FER: variants seen among roughly 807,000 people sequenced by gnomAD.
FER encodes the protein FER tyrosine kinase.
A neutral mutation model predicts 111.0 loss-of-function variants in FER; 63 were observed. That is an observed-to-expected ratio of 0.57 (90% CI 0.46 to 0.70). The LOEUF (loss-of-function observed/expected upper bound fraction) is 0.70. FER is among the 30% of genes least tolerant of loss of function. The pLI, the probability that FER is intolerant of heterozygous loss-of-function variation, is 0.00. For synonymous variants in FER, 327 were observed against 313.9 expected, an observed-to-expected ratio of 1.04 and a Z score of -0.44; for missense variants, 914 against 954.0, an observed-to-expected ratio of 0.96 and a Z score of 0.55.
At chr5:108,946,326 G>A in intron 11 of FER, 104 bp downstream of exon 11, 8 of 657,702 alleles carry the variant, frequency 1.2e-5, no homozygotes, top group Non-Finnish European at 2.0e-5. Context: ...GTATATATAT[G>A]TATATACATA....
At chr5:108,992,039 G>A (rs1404707413) in intron 13 of FER, among the ~76,000 whole-genome samples, 3 of 152,136 alleles carry the variant, frequency 2.0e-5, no homozygotes, top group Non-Finnish European at 2.9e-5. Flanking sequence ...CGCAGTGTTT[G>A]TGTCCCTGGG....
chr5:108,866,634 C>G (rs1432686624), intron 5 of FER, among the ~76,000 whole-genome samples: 1 of 150,712 alleles, frequency 6.6e-6, no homozygotes, highest in East Asian at 1.9e-4. Flanking sequence ...CAATGAATCT[C>G]AATGCAATGA....
At chr5:108,895,769 A>G (rs2150322456) in intron 9 of FER, among the ~76,000 whole-genome samples, 1 of 152,318 alleles carries the variant, frequency 6.6e-6, no homozygotes, top group South Asian at 2.1e-4. Flanking sequence ...TTTGGGGGAC[A>G]TTATTCAGCT....
At chr5:108,806,608 G>A (rs183512282) in intron 3 of FER, among the ~76,000 whole-genome samples, 100 of 152,320 alleles carry the variant, frequency 6.6e-4, no homozygotes, top group African/African-American at 2.2e-3. Flanking sequence ...TTGCATCTGC[G>A]TGACCTGGAT....
In FER at chr5:108,760,566, A is replaced by C. The variant is rs1160841494; in HGVS notation, c.-205-7527A>C. ...TTGGATAACTTGCTGCAACTTGTAC[A>C]TCACCACTTGCTGCTTCACCTTGCA... is the stretch of plus-strand genomic sequence containing the variant. On this transcript the variant is annotated intron_variant, in intron 1 of 19. Coordinates refer to ENST00000281092, the MANE Select transcript of FER (RefSeq NM_005246.4). 2.0e-5 allele frequency among the ~76,000 whole-genome samples: 3 copies of C among 152,310 alleles called. No homozygotes were observed. The East Asian group carries it at 5.8e-4, about 29-fold the overall frequency.
At chr5:108,897,567 A>G in intron 9 of FER, 92 bp from the exon 10 acceptor site, 2 of 946,904 alleles carry the variant, frequency 2.1e-6, no homozygotes, top group Non-Finnish European at 1.5e-6. Context: ...TCTTATAAAA[A>G]TGAAATCAAA....
chr5:108,960,946 G>C (rs1440115790), intron 13 of FER, among the ~76,000 whole-genome samples: 3 of 152,084 alleles, frequency 2.0e-5, no homozygotes, highest in Non-Finnish European at 4.4e-5. Context: ...AAGTTAGCTG[G>C]GGGTAGTGGC....
intron 13 of FER, among the ~76,000 whole-genome samples, chr5:108,974,239 T>C (rs1561702571): frequency 6.6e-6 from 1 of 152,172 alleles, no homozygotes; most frequent in Non-Finnish European, 1.5e-5. Context: ...AATTCATTCA[T>C]GATTGAGGTG....
intron 3 of FER, among the ~76,000 whole-genome samples, chr5:108,829,826 T>G (rs777604378): frequency 6.6e-6 from 1 of 152,128 alleles, no homozygotes; most frequent in African/African-American, 2.4e-5. Flanking sequence ...TCCATTTCAA[T>G]TGAGGAGACA....
intron 13 of FER, among the ~76,000 whole-genome samples, chr5:109,034,356 C>T (rs1198861110): frequency 6.6e-6 from 1 of 152,136 alleles, no homozygotes; most frequent in Non-Finnish European, 1.5e-5. Flanking sequence ...CCATGATGGA[C>T]ATGTTTAGAA....
chr5:108,838,713 A>G (rs916886145), intron 5 of FER, among the ~76,000 whole-genome samples: 1 of 152,236 alleles, frequency 6.6e-6, no homozygotes, highest in Non-Finnish European at 1.5e-5. Flanking sequence ...TTCATTTACA[A>G]TATGAATTTA....
At position 108,957,351 on chromosome 5, in the gene FER, A is replaced by G. The variant is rs556030004; in HGVS notation, c.1534-1874A>G. On this transcript the variant is annotated intron_variant, in intron 12 of 19. Coordinates refer to ENST00000281092, the MANE Select transcript of FER (RefSeq NM_005246.4). ...AATGGCCAGTAGGTATTATGAAAAA[A>G]TGCTCAGTATCACTGATCATCAGAG... is the stretch of plus-strand genomic sequence containing the variant. Among the ~76,000 whole-genome samples the G allele has an allele frequency of 1.1e-4, 17 of 151,782 alleles. No individual in the cohort carries two copies. The South Asian group carries it at 3.5e-3, about 31-fold the overall frequency.
intron 17 of FER, among the ~76,000 whole-genome samples, chr5:109,161,456 C>G (rs891967270): frequency 2.0e-5 from 3 of 152,034 alleles, no homozygotes; most frequent in African/African-American, 4.8e-5. Context: ...TTGTTCCCCT[C>G]TATGTATCCA....
intron 13 of FER, among the ~76,000 whole-genome samples, chr5:109,026,521 G>A (rs1407078068): frequency 6.6e-6 from 1 of 152,024 alleles, no homozygotes; most frequent in African/African-American, 2.4e-5. Flanking sequence ...AGGTTCTATG[G>A]CTGAGACTTT....
chr5:109,049,091 A>G (rs1223820035), intron 16 of FER, among the ~76,000 whole-genome samples: 1 of 152,212 alleles, frequency 6.6e-6, no homozygotes, highest in Non-Finnish European at 1.5e-5. Flanking sequence ...GTAAAAATTC[A>G]GTAGTGAGAT....
chr5:108,841,154 C>G (rs966023975), intron 5 of FER, among the ~76,000 whole-genome samples: 1 of 152,160 alleles, frequency 6.6e-6, no homozygotes, highest in Non-Finnish European at 1.5e-5. Flanking sequence ...GTCATGAACC[C>G]TTTAAGGTAA....
chr5:108,759,661 A>G (rs535964105), intron 1 of FER, among the ~76,000 whole-genome samples: 5 of 152,260 alleles, frequency 3.3e-5, no homozygotes, highest in Non-Finnish European at 5.9e-5. Flanking sequence ...GTGTCCTCAC[A>G]TGGCAGAAAG....
At chr5:109,097,426 T>A (rs1747680549) in intron 16 of FER, among the ~76,000 whole-genome samples, 1 of 151,926 alleles carries the variant, frequency 6.6e-6, no homozygotes, top group African/African-American at 2.4e-5. Context: ...TTTGCCTACT[T>A]TGAGCACCAA....
In FER at chr5:108,989,414, A is replaced by G. The variant is rs1446730654; in HGVS notation, c.1656+30067A>G. Among the ~76,000 whole-genome samples, 5 of 152,076 alleles carry G rather than the reference A, an allele frequency of 3.3e-5. No individual in the cohort carries two copies. The East Asian group carries it at 7.7e-4, about 23-fold the overall frequency. On this transcript the variant is annotated intron_variant, in intron 13 of 19. Coordinates refer to ENST00000281092, the MANE Select transcript of FER (RefSeq NM_005246.4). ...TCAAATGAAAATAATTAAGAAATAA[A>G]TATTAAGAAATATTAAGAATCATTA...
Sources: allele counts gnomAD v4.1 joint callset (sites outside exome capture counted in the v4.1 genomes callset), GRCh38; gene constraint gnomAD v4.1.1; transcripts MANE v1.5; gene names NCBI Gene and HGNC (gene_info 2026-07-23, HGNC 2026-07-21).